GHRHR: variants seen among roughly 807,000 people sequenced by gnomAD.
GHRHR encodes the protein growth hormone releasing hormone receptor, also known as growth hormone-releasing hormone receptor.
A neutral mutation model predicts 58.3 loss-of-function variants in GHRHR; 40 were observed. The ratio of observed to expected loss-of-function variants is 0.69; its 90% CI spans 0.53 to 0.89. The LOEUF (loss-of-function observed/expected upper bound fraction) is 0.89. Among genes scored for constraint, GHRHR ranks in the 40% least tolerant of loss-of-function variants. The pLI is 0.00. For synonymous variants in GHRHR, 249 were observed against 216.6 expected, an observed-to-expected ratio of 1.15 and a Z score of -1.31; for missense variants, 551 against 541.3, an observed-to-expected ratio of 1.02 and a Z score of -0.18.
intron 4 of GHRHR, among the ~76,000 whole-genome samples, chr7:30,970,249 G>A (rs1466229025): frequency 6.6e-6 from 1 of 152,174 alleles, no homozygotes; most frequent in Non-Finnish European, 1.5e-5. Flanking sequence ...AGGGCAGGGA[G>A]CTTAAAGTGG....
rs749363052 is a variant in GHRHR at position 30,968,828 on chromosome 7, C to T, written c.58-6C>T. ...CTTGGCTCATCCTGTTCACTGTTTCCAGCAGGTATTGGGCCACATGCACCC... is the reference window on the plus strand; with the variant it reads ...CTTGGCTCATCCTGTTCACTGTTTCTAGCAGGTATTGGGCCACATGCACCC... On this transcript the variant is annotated splice_region_variant and splice_polypyrimidine_tract_variant and intron_variant, in intron 1 of 12. Transcript: ENST00000326139. The T allele has an allele frequency of 1.9e-6, 3 of 1,605,662 alleles. No homozygotes were observed. Among genetic ancestry groups the T allele is most frequent in the South Asian group, 1.1e-5 (1 of 90,870 alleles).
chr7:30,964,784 G>A (rs555183249), intron 1 of GHRHR, among the ~76,000 whole-genome samples: 3 of 152,188 alleles, frequency 2.0e-5, no homozygotes, highest in East Asian at 3.9e-4. Context: ...GCTGGAGCAC[G>A]GGGCATCAGG....
intron 6 of GHRHR, among the ~76,000 whole-genome samples, chr7:30,972,458 C>T (rs1328459410): frequency 6.6e-6 from 1 of 152,184 alleles, no homozygotes; most frequent in Non-Finnish European, 1.5e-5. Context: ...CTGGGTCCCT[C>T]CTTCAGGAAG....
chr7:30,974,916 C>A lies in GHRHR; in HGVS notation c.813-55C>A, dbSNP rs4988502. 5.0e-4 allele frequency: 559 copies of A among 1,128,534 alleles called. 5 individuals carry two copies. In the African/African-American group the frequency reaches 7.4e-3, roughly 15 times the overall value. 69.9% of individuals were successfully genotyped at this position (1,128,534 alleles called of 1,614,324 possible). Reference sequence around the variant, plus strand: ...TGAATGCCTGAGAGGGAGGTGCCTGCGTCACCACAGTGAAGGGGACTTTCC... The same window carrying A: ...TGAATGCCTGAGAGGGAGGTGCCTGAGTCACCACAGTGAAGGGGACTTTCC... On this transcript the variant is annotated intron_variant, in intron 8 of 12. Transcript: ENST00000326139.
chr7:30,965,567 C>T (rs941879221), intron 1 of GHRHR, among the ~76,000 whole-genome samples: 1 of 152,246 alleles, frequency 6.6e-6, no homozygotes, highest in African/African-American at 2.4e-5. Flanking sequence ...TATGCCCACA[C>T]ATCCTGAGTC....
At chr7:30,979,037 C>G in intron 12 of GHRHR, 82 bp from the exon 13 acceptor site, 5 of 1,339,550 alleles carry the variant, frequency 3.7e-6, no homozygotes, top group Non-Finnish European at 5.4e-6. Context: ...TACACGGCCT[C>G]TCCCTGCACC....
chr7:30,968,242 A>G (rs1792397087), intron 1 of GHRHR, among the ~76,000 whole-genome samples: 1 of 152,200 alleles, frequency 6.6e-6, no homozygotes, highest in African/African-American at 2.4e-5. Context: ...GGATGTGGAC[A>G]TCTTTGGGGG....
intron 12 of GHRHR, among the ~76,000 whole-genome samples, chr7:30,978,310 A>G (rs1451749459): frequency 6.6e-6 from 1 of 152,080 alleles, no homozygotes; most frequent in Non-Finnish European, 1.5e-5. Flanking sequence ...GAAGCATCCC[A>G]GGCTGAGGCT....
chr7:30,970,272 C>G (rs1172733187), intron 4 of GHRHR, among the ~76,000 whole-genome samples: 1 of 152,180 alleles, frequency 6.6e-6, no homozygotes, highest in Non-Finnish European at 1.5e-5. Flanking sequence ...CCAGAGGAAA[C>G]AAGGCTCCTA....
chr7:30,973,326 C>T (rs1792511947), intron 6 of GHRHR, among the ~76,000 whole-genome samples: 2 of 152,152 alleles, frequency 1.3e-5, no homozygotes, highest in African/African-American at 4.8e-5. Flanking sequence ...GCAGTTCACA[C>T]CTTTGTTGTT....
Position 30,979,340 on chromosome 7 carries a change from C to T in GHRHR, c.*96C>T, listed in dbSNP as rs1792648721. The T allele has an allele frequency of 8.0e-7, 1 of 1,249,580 alleles. No individual in the cohort carries two copies. The highest frequency in any genetic ancestry group is 1.1e-6 in the Non-Finnish European group (1 of 876,060). The allele number at this position is 1,249,580 out of a possible 1,614,324, so 77.4% of individuals were successfully genotyped here. On this transcript the variant is annotated 3_prime_UTR_variant, in exon 13 of 13. Coordinates refer to ENST00000326139, the MANE Select transcript of GHRHR (RefSeq NM_000823.4). ...GGAGCAAGGGGGCCACATCCCCACC[C>T]CAGCTGTTACCCAGCCCGGGGCAGG...
chr7:30,972,488 A>G lies in GHRHR; in HGVS notation c.597+393A>G, dbSNP rs1160127032. 2.6e-5 allele frequency among the ~76,000 whole-genome samples: 4 copies of G among 152,200 alleles called. No homozygotes were observed. In the East Asian group the frequency reaches 7.7e-4, roughly 29 times the overall value. Reference sequence around the variant, plus strand: ...AGGAAGAGCCCATGGGACAGAATGCACACAGATTAGGGGACTCCCAAGTGG... The same window carrying G: ...AGGAAGAGCCCATGGGACAGAATGCGCACAGATTAGGGGACTCCCAAGTGG... On this transcript the variant is annotated intron_variant, in intron 6 of 12. Coordinates refer to ENST00000326139, the MANE Select transcript of GHRHR (RefSeq NM_000823.4).
At chr7:30,965,624 G>A (rs990366161) in intron 1 of GHRHR, among the ~76,000 whole-genome samples, 26 of 152,282 alleles carry the variant, frequency 1.7e-4, no homozygotes, top group African/African-American at 5.8e-4. Context: ...AGAGGTGTGG[G>A]CACTGTCTGT....
chr7:30,977,995 C>T (rs1444759655), intron 12 of GHRHR, among the ~76,000 whole-genome samples: 2 of 152,154 alleles, frequency 1.3e-5, no homozygotes, highest in Admixed American at 6.5e-5. Flanking sequence ...GGGAGAGAGG[C>T]GGGGGAGAAT....
intron 1 of GHRHR, among the ~76,000 whole-genome samples, chr7:30,966,968 C>T (rs913653989): frequency 5.3e-5 from 8 of 152,156 alleles, no homozygotes; most frequent in African/African-American, 7.2e-5. Context: ...TCACAGTTTG[C>T]GCAGGGTCTA....
At chr7:30,976,599 G>A (rs1792590234) in intron 11 of GHRHR, 41 bp downstream of exon 11, 3 of 1,596,628 alleles carry the variant, frequency 1.9e-6, no homozygotes, top group Non-Finnish European at 2.6e-6. Context: ...CATTGAGGGT[G>A]CTGGAGGGAG....
chr7:30,975,401 G>A (rs1179756090), intron 9 of GHRHR, among the ~76,000 whole-genome samples: 1 of 152,218 alleles, frequency 6.6e-6, no homozygotes, highest in Non-Finnish European at 1.5e-5. Flanking sequence ...ACAACACAGA[G>A]GCAGTGAAGA....
chr7:30,972,096 G>A lies in GHRHR; in HGVS notation c.597+1G>A, dbSNP rs975177857. 1.2e-6 allele frequency: 2 copies of A among 1,613,822 alleles called. No homozygotes were observed. Among genetic ancestry groups the A allele is most frequent in the African/African-American group, 1.3e-5 (1 of 74,908 alleles). ...CACTGACCACTGCAGCTTCTCCACT[G>A]TAATGGCCATGGGTGAAGGGGCTGG... On this transcript the variant is annotated splice_donor_variant, in intron 6 of 12. Transcript: ENST00000326139. LOFTEE classifies it high-confidence loss of function.
intron 8 of GHRHR, 141 bp downstream of exon 8, chr7:30,974,630 C>A: frequency 2.7e-6 from 2 of 732,074 alleles, no homozygotes; most frequent in East Asian, 2.6e-5. Context: ...GGAGAACAGT[C>A]TGTGAGTAGC....
Sources: allele counts gnomAD v4.1 joint callset (sites outside exome capture counted in the v4.1 genomes callset), GRCh38; gene constraint gnomAD v4.1.1; transcripts MANE v1.5; gene names NCBI Gene and HGNC (gene_info 2026-07-23, HGNC 2026-07-21).